The following LRRC37A2 variants were observed in gnomAD, a reference collection of about 807,000 sequenced individuals.
The protein encoded by LRRC37A2 is leucine-rich repeat-containing protein 37A2.
Under a neutral mutation model 68.8 loss-of-function variants are expected in LRRC37A2, and 9 were observed. That is an observed-to-expected ratio of 0.13 (90% CI 0.08 to 0.23). The LOEUF (loss-of-function observed/expected upper bound fraction) is 0.23. Ranked by LOEUF, LRRC37A2 falls within the 10% of genes least tolerant of loss-of-function variation. LRRC37A2 has a pLI of 1.00. For missense variants in LRRC37A2, 168 were observed against 950.4 expected, an observed-to-expected ratio of 0.18 and a Z score of 10.82; for synonymous variants, 63 against 367.6, an observed-to-expected ratio of 0.17 and a Z score of 9.48.
the LRRC37A2 span, among the ~76,000 whole-genome samples, chr17:46,825,398 G>T: frequency 1.3e-5 from 2 of 152,202 alleles, no homozygotes; most frequent in Admixed American, 6.5e-5. Flanking sequence ...CTTCCGCCTG[G>T]GCTCTGAGGG....
the LRRC37A2 span, among the ~76,000 whole-genome samples, chr17:46,728,697 CTG>C: frequency 5.4e-4 from 82 of 150,482 alleles, no homozygotes; most frequent in Middle Eastern, 6.8e-3. Flanking sequence ...TTATTTAAGA[CTG>C]TTTACTCTTT....
the LRRC37A2 span, among the ~76,000 whole-genome samples, chr17:46,729,282 T>A: frequency 2.5e-4 from 38 of 152,312 alleles, no homozygotes; most frequent in East Asian, 9.6e-4. Context: ...TTGAATATGT[T>A]CCCATATGTT....
chr17:46,543,691 T>C (rs2055832907), intron 8 of LRRC37A2, among the ~76,000 whole-genome samples: 1 of 150,982 alleles, frequency 6.6e-6, no homozygotes, highest in Non-Finnish European at 1.5e-5. Context: ...AAAGCTAATG[T>C]GGCAAAGTAT....
At chr17:46,532,240 G>A (rs1364736276) in intron 6 of LRRC37A2, among the ~76,000 whole-genome samples, 2 of 148,720 alleles carry the variant, frequency 1.3e-5, no homozygotes, top group Non-Finnish European at 2.9e-5. Flanking sequence ...AACAATTGTA[G>A]TGAAACCATA....
At chr17:46,722,215 A>G in the LRRC37A2 span, 1 of 1,480,986 alleles carries the variant, frequency 6.8e-7, no homozygotes, top group South Asian at 1.1e-5. Context: ...AAGAGACCCA[A>G]ATCTCGCGAG....
the LRRC37A2 span, among the ~76,000 whole-genome samples, chr17:46,893,580 G>A: frequency 0.032 from 4,893 of 152,176 alleles, 93 homozygotes; most frequent in Middle Eastern, 0.065. Flanking sequence ...GTGGGACAGT[G>A]TATATGAGCA....
chr17:46,539,768 C>CAGAAAAAA (rs2054947182), intron 6 of LRRC37A2, among the ~76,000 whole-genome samples: 2 of 67,036 alleles, frequency 3.0e-5, no homozygotes, highest in East Asian at 7.1e-4. Flanking sequence ...GACTCCATCT[C>CAGAAAAAA]AAAAAAAAAA....
chr17:46,691,562 T>C, the LRRC37A2 span, among the ~76,000 whole-genome samples: 1 of 150,292 alleles, frequency 6.7e-6, no homozygotes, highest in Non-Finnish European at 1.5e-5. Context: ...GTCATTGCAC[T>C]CCAGCCTGGG....
the LRRC37A2 span, among the ~76,000 whole-genome samples, chr17:46,717,493 A>G: frequency 6.6e-6 from 1 of 152,136 alleles, no homozygotes; most frequent in African/African-American, 2.4e-5. Context: ...TGGGGGGATC[A>G]TGAGGTCAGG....
the LRRC37A2 span, among the ~76,000 whole-genome samples, chr17:46,989,812 G>A: frequency 0.7 from 106,540 of 152,176 alleles, 37,915 homozygotes; most frequent in Middle Eastern, 0.78. Context: ...TAGAGACAGC[G>A]TGTGAACAGG....
the LRRC37A2 span, among the ~76,000 whole-genome samples, chr17:46,884,365 C>T: frequency 3.3e-5 from 5 of 152,036 alleles, no homozygotes; most frequent in Non-Finnish European, 7.4e-5. Flanking sequence ...GCAGTGGTGC[C>T]GCCCCCGCCC....
chr17:46,875,914 T>C, the LRRC37A2 span, among the ~76,000 whole-genome samples: 1 of 152,208 alleles, frequency 6.6e-6, no homozygotes, highest in Non-Finnish European at 1.5e-5. Flanking sequence ...GATTAAGTTC[T>C]GAGTTGTCAT....
chr17:46,748,921 A>G, the LRRC37A2 span, among the ~76,000 whole-genome samples: 7 of 152,248 alleles, frequency 4.6e-5, no homozygotes, highest in East Asian at 1.3e-3. Context: ...TTGTATAAAC[A>G]TAATAAATAC....
chr17:46,755,128 A>C, the LRRC37A2 span, among the ~76,000 whole-genome samples: 1 of 152,370 alleles, frequency 6.6e-6, no homozygotes, highest in South Asian at 2.1e-4. Context: ...AACCCCATTC[A>C]CTTCCTCCAA....
intron 6 of LRRC37A2, among the ~76,000 whole-genome samples, chr17:46,534,730 G>C (rs1598409525): frequency 6.7e-6 from 1 of 150,002 alleles, no homozygotes; most frequent in African/African-American, 2.5e-5. Context: ...CAGACGGGGT[G>C]GCGGCCGGGC....
the LRRC37A2 span, chr17:46,923,536 A>G: frequency 2.2e-6 from 3 of 1,334,562 alleles, no homozygotes; most frequent in Non-Finnish European, 2.9e-6. Flanking sequence ...AGCACTTGTC[A>G]ACTCGGTGCT....
At chr17:46,876,358 G>T in the LRRC37A2 span, 1 of 1,614,094 alleles carries the variant, frequency 6.2e-7, no homozygotes, top group Non-Finnish European at 8.5e-7. Context: ...GCCAGGTGCT[G>T]AAACTGCGCT....
the LRRC37A2 span, among the ~76,000 whole-genome samples, chr17:46,501,081 AAT>A: frequency 6.6e-6 from 1 of 151,298 alleles, no homozygotes. Context: ...TTAGAGACAG[AAT>A]ATCCCTGTGT....
chr17:47,014,250 T>C, the LRRC37A2 span, among the ~76,000 whole-genome samples: 2 of 148,018 alleles, frequency 1.4e-5, no homozygotes, highest in African/African-American at 5.0e-5. Context: ...ATTAGCTGGG[T>C]GTGGTGGCGG....
Sources: allele counts gnomAD v4.1 joint callset (sites outside exome capture counted in the v4.1 genomes callset), GRCh38; gene constraint gnomAD v4.1.1; transcripts MANE v1.5; gene names NCBI Gene and HGNC (gene_info 2026-07-23, HGNC 2026-07-21).